INPP4B: variants seen among roughly 807,000 people sequenced by gnomAD.
The protein encoded by INPP4B is inositol polyphosphate-4-phosphatase type II B, also known as inositol polyphosphate 4-phosphatase type II.
INPP4B carries 55 observed loss-of-function variants against 122.5 expected under a neutral mutation model. The ratio of observed to expected loss-of-function variants is 0.45; its 90% confidence interval spans 0.36 to 0.56. The LOEUF is 0.56. INPP4B is among the 20% of genes least tolerant of loss of function. The pLI is 0.00. For missense variants in INPP4B, 1,000 were observed against 1,097.7 expected (o/e 0.91, Z 1.26); for synonymous variants, 403 against 388.7 (o/e 1.04, Z -0.43).
intron 1 of INPP4B, among the ~76,000 whole-genome samples, chr4:142,798,785 A>T (rs1306535423): frequency 6.6e-6 from 1 of 151,764 alleles, no homozygotes; most frequent in African/African-American, 2.4e-5. Flanking sequence ...TTAGTATATT[A>T]TTTATTTAAA....
At chr4:142,707,195 T>G (rs377307402) in intron 2 of INPP4B, among the ~76,000 whole-genome samples, 1 of 152,194 alleles carries the variant, frequency 6.6e-6, no homozygotes, top group African/African-American at 2.4e-5. Context: ...CTAATTCATA[T>G]AGAAACTCAG....
chr4:142,619,335 C>A (rs1485791621), intron 2 of INPP4B, among the ~76,000 whole-genome samples: 7 of 152,018 alleles, frequency 4.6e-5, no homozygotes, highest in African/African-American at 1.7e-4. Context: ...TGGAAACAAC[C>A]TACATGTCTA....
chr4:142,054,794 G>A (rs1756721185), intron 25 of INPP4B, among the ~76,000 whole-genome samples: 1 of 152,094 alleles, frequency 6.6e-6, no homozygotes, highest in Non-Finnish European at 1.5e-5. Context: ...GTATTTGGGA[G>A]ATGGAGATAA....
intron 7 of INPP4B, among the ~76,000 whole-genome samples, chr4:142,370,891 C>G (rs910749511): frequency 2.0e-5 from 3 of 152,066 alleles, no homozygotes; most frequent in African/African-American, 7.2e-5. Context: ...CAACCCCTAT[C>G]AAAATACCAA....
At chr4:142,254,116 T>G (rs1290201894) in intron 11 of INPP4B, among the ~76,000 whole-genome samples, 2 of 151,946 alleles carry the variant, frequency 1.3e-5, no homozygotes, top group African/African-American at 4.8e-5. Flanking sequence ...ACACGGCCGG[T>G]ACTCCAACAG....
intron 2 of INPP4B, among the ~76,000 whole-genome samples, chr4:142,606,039 T>C (rs962979722): frequency 1.3e-5 from 2 of 152,006 alleles, no homozygotes; most frequent in African/African-American, 4.8e-5. Flanking sequence ...GTGGTATACA[T>C]ATGCAATAGA....
chr4:142,209,447 T>C (rs1228885863), intron 12 of INPP4B, among the ~76,000 whole-genome samples: 2 of 152,136 alleles, frequency 1.3e-5, no homozygotes, highest in Non-Finnish European at 2.9e-5. Context: ...AAACATGAGA[T>C]ACTTAGTCAA....
chr4:142,305,604 T>C lies in INPP4B; in HGVS notation c.424-67A>G, dbSNP rs911501615. On this transcript the variant is annotated intron_variant, in intron 8 of 25. Coordinates refer to ENST00000262992, the MANE Select transcript of INPP4B (RefSeq NM_001101669.3). ...TTTAATATTTTTGCTGTCACATCAATCAAACAAAATGAGTCTTTAGAAGAA... is the reference window on the plus strand; with the variant it reads ...TTTAATATTTTTGCTGTCACATCAACCAAACAAAATGAGTCTTTAGAAGAA... The C allele has an allele frequency of 7.2e-6, 11 of 1,535,178 alleles. No individual in the cohort carries two copies. In the African/African-American group the frequency reaches 1.4e-4, roughly 19 times the overall value.
rs368708060 is a variant in INPP4B at position 142,269,613 on chromosome 4, G to A, written c.615+1050C>T. On this transcript the variant is annotated intron_variant, in intron 10 of 25. Transcript: ENST00000262992. ...TGCTCATCAAAGGGTACAAGTTTCCGTTAGCCAGGAGGAATAAGCTTTAGT... is the reference window on the plus strand; with the variant it reads ...TGCTCATCAAAGGGTACAAGTTTCCATTAGCCAGGAGGAATAAGCTTTAGT... Among the ~76,000 whole-genome samples, 79 of 152,214 alleles carry A rather than the reference G, an allele frequency of 5.2e-4. 1 individual carries two copies. Among genetic ancestry groups the A allele is most frequent in the Middle Eastern group, 6.8e-3 (2 of 294 alleles).
At chr4:142,673,677 G>C (rs1428347760) in intron 2 of INPP4B, among the ~76,000 whole-genome samples, 1 of 152,122 alleles carries the variant, frequency 6.6e-6, no homozygotes, top group African/African-American at 2.4e-5. Context: ...TTCCAGTCTA[G>C]AGTGAGTGTA....
intron 15 of INPP4B, among the ~76,000 whole-genome samples, chr4:142,177,222 G>A (rs184126071): frequency 8.7e-4 from 131 of 151,382 alleles, no homozygotes; most frequent in Non-Finnish European, 1.6e-4. Flanking sequence ...AAAAGCCAAC[G>A]TTGGTGTCCA....
At chr4:142,778,136 A>C (rs1020221513) in intron 1 of INPP4B, among the ~76,000 whole-genome samples, 20 of 152,320 alleles carry the variant, frequency 1.3e-4, no homozygotes, top group Non-Finnish European at 2.6e-4. Flanking sequence ...TGGAGAAAAC[A>C]ACATGCTGTA....
chr4:142,185,290 G>C (rs1338033509), intron 15 of INPP4B, among the ~76,000 whole-genome samples: 1 of 151,672 alleles, frequency 6.6e-6, no homozygotes, highest in South Asian at 2.1e-4. Context: ...AGAGCCAAAG[G>C]GATGCAAAAT....
intron 7 of INPP4B, among the ~76,000 whole-genome samples, chr4:142,317,904 G>A (rs970279010): frequency 6.6e-6 from 1 of 152,180 alleles, no homozygotes; most frequent in Admixed American, 6.5e-5. Context: ...GGAAATTGGG[G>A]CCATTTACTG....
intron 7 of INPP4B, among the ~76,000 whole-genome samples, chr4:142,331,470 G>C (rs984662701): frequency 6.6e-6 from 1 of 152,068 alleles, no homozygotes. Context: ...AAACATCTTC[G>C]TGAAATACAA....
At chr4:142,290,104 T>C (rs1357836656) in intron 9 of INPP4B, among the ~76,000 whole-genome samples, 1 of 151,952 alleles carries the variant, frequency 6.6e-6, no homozygotes, top group Non-Finnish European at 1.5e-5. Flanking sequence ...GGCTCCAAGC[T>C]TTACTCAGAG....
intron 8 of INPP4B, 49 bp from the exon 9 acceptor site, chr4:142,305,586 T>A: frequency 3.2e-6 from 5 of 1,571,414 alleles, no homozygotes; most frequent in Non-Finnish European, 4.3e-6. Flanking sequence ...TTCTTTAATA[T>A]TTTTGCTGTC....
At chr4:142,625,179 A>G (rs1746048257) in intron 2 of INPP4B, among the ~76,000 whole-genome samples, 1 of 151,826 alleles carries the variant, frequency 6.6e-6, no homozygotes, top group Non-Finnish European at 1.5e-5. Context: ...TTAGGAAAAG[A>G]GGAAGTCAAA....
Position 142,402,987 on chromosome 4 carries a change from G to T in INPP4B, c.323C>A (p.Thr108Asn), listed in dbSNP as rs776897515. 1 of 1,608,928 alleles carries T rather than the reference G, an allele frequency of 6.2e-7. No homozygotes were observed. Among genetic ancestry groups the T allele is most frequent in the Admixed American group, 1.7e-5 (1 of 60,002 alleles). Residue 108 changes from threonine to asparagine, a missense_variant, in exon 7 of 26, where the codon ACC (threonine) becomes AAC (asparagine). Thr to Asn is a moderately conservative substitution (Grantham distance 65). Transcript: ENST00000262992. ...ATCATAGACTGTTAGTTTTATTTTG[G>T]TCTCCTCATAGATGGGATACTCAGA... ...FPSEYPIYEETKIKLTVYDVK... is the reference protein window; with the variant it reads ...FPSEYPIYEENKIKLTVYDVK...
Sources: allele counts gnomAD v4.1 joint callset (sites outside exome capture counted in the v4.1 genomes callset), GRCh38; gene constraint gnomAD v4.1.1; transcripts MANE v1.5; gene names NCBI Gene and HGNC (gene_info 2026-07-23, HGNC 2026-07-21).